ODAD2: variants seen among roughly 807,000 people sequenced by gnomAD.
ODAD2 encodes the protein outer dynein arm-docking complex subunit 2.
Under a neutral mutation model 106.8 loss-of-function variants are expected in ODAD2, and 89 were observed. The ratio of observed to expected loss-of-function variants is 0.83; its 90% CI spans 0.70 to 0.99. The LOEUF (loss-of-function observed/expected upper bound fraction) is 0.99, where lower values mean the gene tolerates loss of function less well. Among genes scored for constraint, ODAD2 ranks in the 50% least tolerant of loss-of-function variants. ODAD2 has a pLI of 0.00. For synonymous variants in ODAD2, 404 were observed against 436.2 expected (o/e 0.93, Z 0.92); for missense variants, 1,168 against 1,238.5 (o/e 0.94, Z 0.85).
intron 10 of ODAD2, among the ~76,000 whole-genome samples, chr10:27,945,671 A>G (rs961326537): frequency 6.6e-6 from 1 of 152,234 alleles, no homozygotes; most frequent in South Asian, 2.1e-4. Flanking sequence ...AAAATAAAAA[A>G]GAATGATCAG....
intron 7 of ODAD2, among the ~76,000 whole-genome samples, chr10:27,972,879 A>C (rs1848949579): frequency 1.3e-5 from 2 of 152,148 alleles, no homozygotes; most frequent in Non-Finnish European, 2.9e-5. Context: ...TATAGAAGAT[A>C]TGAGCAACAC....
At chr10:27,926,705 T>C (rs934516715) in intron 16 of ODAD2, among the ~76,000 whole-genome samples, 1 of 152,158 alleles carries the variant, frequency 6.6e-6, no homozygotes, top group African/African-American at 2.4e-5. Context: ...ACAAAGAAAG[T>C]AAAGATCCTG....
rs374155065 is a variant in ODAD2 at position 27,944,790 on chromosome 10, G to A, written c.1533+26C>T. On this transcript the variant is annotated intron_variant, in intron 11 of 19. Transcript: ENST00000305242. The stretch of plus-strand genomic sequence containing the variant: ...CCCAGGAAGGTGGGAACAAGACTCC[G>A]CATCCAAGGTGACAGAGCCACTCAC... 318 of 1,613,670 alleles carry A rather than the reference G, an allele frequency of 2.0e-4. 1 individual carries two copies. Among genetic ancestry groups the A allele is most frequent in the Admixed American group, 1.3e-3 (78 of 60,010 alleles).
chr10:27,957,611 T>G (rs1847828919), intron 10 of ODAD2: 2 of 152,158 alleles, frequency 1.3e-5, no homozygotes, highest in Non-Finnish European at 2.9e-5. Flanking sequence ...GCTGGAAGGT[T>G]GGTGAGTAAA....
intron 16 of ODAD2, among the ~76,000 whole-genome samples, chr10:27,924,158 G>C (rs1471327109): frequency 6.6e-6 from 1 of 151,724 alleles, no homozygotes; most frequent in African/African-American, 2.4e-5. Context: ...ATTAACAGTT[G>C]AAATAAAAAA....
intron 17 of ODAD2, among the ~76,000 whole-genome samples, chr10:27,884,055 A>C (rs1394613840): frequency 1.3e-5 from 2 of 152,158 alleles, no homozygotes; most frequent in African/African-American, 2.4e-5. Flanking sequence ...TTTGATGAGA[A>C]ACTTTACATA....
chr10:27,819,956 T>C (rs1311889830), intron 19 of ODAD2, among the ~76,000 whole-genome samples: 1 of 152,226 alleles, frequency 6.6e-6, no homozygotes, highest in African/African-American at 2.4e-5. Flanking sequence ...TCATATGGGT[T>C]ATGCATTTGA....
chr10:27,955,696 GGTGTGTGTGTGTGTGTGTGTGT>G (rs56731384), intron 10 of ODAD2, among the ~76,000 whole-genome samples: 5 of 142,928 alleles, frequency 3.5e-5, no homozygotes, highest in Non-Finnish European at 7.6e-5. Context: ...AACCAATTAA[GGTGTGTGTGTGTGTGTGTGTGT>G]GTGTGTGTGT....
At chr10:27,836,284 A>G (rs992013251) in intron 19 of ODAD2, 3 of 152,148 alleles carry the variant, frequency 2.0e-5, no homozygotes, top group African/African-American at 2.4e-5. Flanking sequence ...CATAGAACTG[A>G]TAAGGACACA....
chr10:27,978,436 T>C (rs1469399989), intron 7 of ODAD2, among the ~76,000 whole-genome samples: 5 of 152,162 alleles, frequency 3.3e-5, no homozygotes, highest in Admixed American at 3.3e-4. Flanking sequence ...GAATCCTCAA[T>C]TTTTCCCTCC....
chr10:27,994,225 TA>T (rs1308508131), intron 2 of ODAD2, among the ~76,000 whole-genome samples: 1 of 151,990 alleles, frequency 6.6e-6, no homozygotes, highest in Non-Finnish European at 1.5e-5. Context: ...AGGACACCAG[TA>T]ATTCTTAAGA....
At chr10:27,906,299 A>C (rs971367519) in intron 17 of ODAD2, among the ~76,000 whole-genome samples, 3 of 152,216 alleles carry the variant, frequency 2.0e-5, no homozygotes, top group African/African-American at 7.2e-5. Context: ...TGCAAATCAA[A>C]ACCACAATGA....
chr10:27,816,912 G>A (rs1285755532), intron 19 of ODAD2, among the ~76,000 whole-genome samples: 5 of 152,124 alleles, frequency 3.3e-5, no homozygotes, highest in Admixed American at 3.3e-4. Flanking sequence ...ACCACACCCA[G>A]CTAATTTTTG....
intron 16 of ODAD2, among the ~76,000 whole-genome samples, chr10:27,929,011 CAT>C (rs1473471595): frequency 6.6e-6 from 1 of 152,068 alleles, no homozygotes; most frequent in Non-Finnish European, 1.5e-5. Flanking sequence ...TTCCAGAATC[CAT>C]ATGTTTAGCC....
rs574671143 is a variant in ODAD2, at chr10:27,862,356, G to A, written c.2799+78C>T. On this transcript the variant is annotated intron_variant, in intron 18 of 19. Transcript: ENST00000305242. ...AAACTTGAATCCAGGTTTCTGGACT[G>A]CAAATGCATTGTTTTCATCACTACA... 5 of 1,188,854 alleles carry A rather than the reference G, an allele frequency of 4.2e-6. No individual in the cohort carries two copies. The East Asian group carries it at 1.0e-4, about 24-fold the overall frequency. The allele number at this position is 1,188,854 out of a possible 1,614,324, so 73.6% of individuals were successfully genotyped here.
chr10:27,874,850 G>A (rs1400715648), intron 17 of ODAD2, among the ~76,000 whole-genome samples: 2 of 152,046 alleles, frequency 1.3e-5, no homozygotes, highest in East Asian at 3.9e-4. Flanking sequence ...TGCTCTTTTC[G>A]AGGAGTATCT....
chr10:27,938,087 C>T (rs1051963870), intron 14 of ODAD2, among the ~76,000 whole-genome samples: 1 of 152,002 alleles, frequency 6.6e-6, no homozygotes, highest in African/African-American at 2.4e-5. Context: ...GGGATTACAC[C>T]ACCACACCTG....
At chr10:27,854,648 CG>C (rs1476236303) in intron 19 of ODAD2, among the ~76,000 whole-genome samples, 1 of 151,920 alleles carries the variant, frequency 6.6e-6, no homozygotes, top group East Asian at 1.9e-4. Context: ...CCCAGCTACT[CG>C]GGAGGCTGAG....
At chr10:27,908,622 T>A (rs1843767236) in intron 16 of ODAD2, among the ~76,000 whole-genome samples, 1 of 152,218 alleles carries the variant, frequency 6.6e-6, no homozygotes, top group African/African-American at 2.4e-5. Context: ...TGATTTTTAA[T>A]CTCAAGTTGA....
Sources: gnomAD v4.1 joint callset for allele counts (sites outside exome capture counted in the v4.1 genomes callset) on GRCh38, gnomAD v4.1.1 for gene constraint, MANE v1.5 for transcripts, NCBI Gene and HGNC (gene_info 2026-07-23, HGNC 2026-07-21) for gene names.